Variants in SETD1A observed in about 807,000 individuals in gnomAD.
SETD1A encodes the protein SET domain containing 1A, histone lysine methyltransferase.
In SETD1A, 29 loss-of-function variants were observed where a neutral mutation model predicts 149.9. That is an observed-to-expected ratio of 0.19 (90% confidence interval 0.14 to 0.26). The LOEUF (loss-of-function observed/expected upper bound fraction) is 0.26, where lower values mean the gene tolerates loss of function less well. SETD1A is among the 10% of genes least tolerant of loss of function. The pLI is 1.00. For synonymous variants in SETD1A, 1,141 were observed against 968.5 expected, an observed-to-expected ratio of 1.18 and a Z score of -3.31; for missense variants, 2,109 against 2,353.1, an observed-to-expected ratio of 0.90 and a Z score of 2.15.
chr16:30,974,387 A>C (rs2056259629), intron 13 of SETD1A, among the ~76,000 whole-genome samples: 1 of 152,046 alleles, frequency 6.6e-6, no homozygotes, highest in Non-Finnish European at 1.5e-5. Context: ...AGACCCAGGT[A>C]GGCGAGTGGG....
chr16:30,980,419 G>C lies in SETD1A; in HGVS notation c.4409-66G>C, dbSNP rs554890120. 83 of 1,553,948 alleles carry C rather than the reference G, an allele frequency of 5.3e-5. No individual in the cohort carries two copies. In the East Asian group the frequency reaches 1.7e-3, roughly 31 times the overall value. On this transcript the variant is annotated intron_variant, in intron 14 of 18. Coordinates refer to ENST00000262519, the MANE Select transcript of SETD1A (RefSeq NM_014712.3). This position sits in a 1 kb window ranked among gnomAD's most constrained non-coding sequence, Gnocchi z 7.7. Reference sequence around the variant, plus strand: ...GGGTATGCTCAGCGGCGTGGGCCCCGCCCTCTCCTTTGGCTGGGACGCAGG... The same window carrying C: ...GGGTATGCTCAGCGGCGTGGGCCCCCCCCTCTCCTTTGGCTGGGACGCAGG...
chr16:30,962,860 A>C (rs989980341), intron 4 of SETD1A, among the ~76,000 whole-genome samples: 3 of 152,226 alleles, frequency 2.0e-5, no homozygotes, highest in African/African-American at 7.2e-5. Context: ...CATGAGAATC[A>C]CTTGAACCTG....
Position 30,958,704 on chromosome 16 carries a change from C to T in SETD1A, c.-15-13C>T, listed in dbSNP as rs1195710155. On this transcript the variant is annotated splice_polypyrimidine_tract_variant and intron_variant, in intron 1 of 18. Transcript: ENST00000262519. ...GTCCTGATCCTTCTTGCGTGTCCCT[C>T]TTCCCCTAACAGTGTAAATGAGCAA... The T allele has an allele frequency of 5.0e-6, 8 of 1,612,376 alleles. No homozygotes were observed. Among genetic ancestry groups the T allele is most frequent in the East Asian group, 4.5e-5 (2 of 44,862 alleles).
Position 30,966,385 on chromosome 16 carries a change from A to C in SETD1A, c.2504A>C (p.Lys835Thr). The C allele has an allele frequency of 6.2e-7, 1 of 1,602,854 alleles. No homozygotes were observed. Among genetic ancestry groups the C allele is most frequent in the Non-Finnish European group, 8.5e-7 (1 of 1,173,498 alleles). The change falls in exon 8 of 19, where the codon AAG becomes ACG. Residue 835 changes from lysine to threonine, a missense_variant and splice_region_variant. Transcript: ENST00000262519. ...QWWESKEEKA[K>T]PFQNAAKQQA... ...TGGGAGAGCAAGGAGGAGAAGGCCAAGGTGAGGCCAGCGCCTGGGACCGGG... is the reference window on the plus strand; with the variant it reads ...TGGGAGAGCAAGGAGGAGAAGGCCACGGTGAGGCCAGCGCCTGGGACCGGG...
chr16:30,980,931 C>T lies in SETD1A; in HGVS notation c.4692+82C>T, dbSNP rs1332880669. 1.3e-6 allele frequency: 2 copies of T among 1,561,866 alleles called. No individual in the cohort carries two copies. The highest frequency in any genetic ancestry group is 2.7e-5 in the African/African-American group (2 of 74,050). On this transcript the variant is annotated intron_variant, in intron 16 of 18. Coordinates refer to ENST00000262519, the MANE Select transcript of SETD1A (RefSeq NM_014712.3). This position sits in a 1 kb window ranked among gnomAD's most constrained non-coding sequence, Gnocchi z 7.7. ...AGGCCAGGGGACCACCCAGCAGGCT[C>T]CTGTGGTTCCCTCGGGTGGAGTTGG... is the stretch of plus-strand genomic sequence containing the variant.
At chr16:30,975,630 C>T (rs1305115659) in intron 13 of SETD1A, among the ~76,000 whole-genome samples, 1 of 151,868 alleles carries the variant, frequency 6.6e-6, no homozygotes, top group Non-Finnish European at 1.5e-5. Flanking sequence ...AGGGTCTCAC[C>T]ATGTTGCCCA....
chr16:30,971,581 C>T lies in SETD1A; in HGVS notation c.3220C>T (p.Leu1074Phe). Reference sequence around the variant, plus strand: ...AGAGGAAGAGGAGCGGCCAGCAGCCCTTCCCTCAGCCTCCCCGCCCCCCAG... The same window carrying T: ...AGAGGAAGAGGAGCGGCCAGCAGCCTTTCCCTCAGCCTCCCCGCCCCCCAG... ...DEEEEERPAA[L>F]PSASPPPREV... The change falls in exon 13 of 19, where the codon CTT becomes TTT. Residue 1074 changes from leucine (L) to phenylalanine (F), a missense_variant. Around this residue, in one of 8 missense-constraint regions of SETD1A, gnomAD observed 832 missense variants for 815.6 expected, o/e 1.02. Coordinates refer to ENST00000262519, the MANE Select transcript of SETD1A (RefSeq NM_014712.3). The T allele has an allele frequency of 6.2e-7, 1 of 1,613,968 alleles. No homozygotes were observed. Among genetic ancestry groups the T allele is most frequent in the South Asian group, 1.1e-5 (1 of 91,054 alleles).
rs1487326238 is a variant in SETD1A at position 30,979,979 on chromosome 16, C to T, written c.4193C>T (p.Ala1398Val). 2 of 1,512,636 alleles carry T rather than the reference C, an allele frequency of 1.3e-6. No individual in the cohort carries two copies. Among genetic ancestry groups the T allele is most frequent in the East Asian group, 2.6e-5 (1 of 38,716 alleles). The allele number at this position is 1,512,636 out of a possible 1,614,324, so 93.7% of individuals were successfully genotyped here. The stretch of plus-strand genomic sequence containing the variant: ...CGGAGGCGCAGCCTCCGCTCCCACG[C>T]CCGGCGCCGCCGCCCTCCGCCCCCA... ...ALRRRSLRSHARRRRPPPPPP... is the reference protein window; with the variant it reads ...ALRRRSLRSHVRRRRPPPPPP... Residue 1398 changes from alanine (A) to valine (V), a missense_variant, in exon 14 of 19, where the codon GCC becomes GTC. Coordinates refer to ENST00000262519, the MANE Select transcript of SETD1A (RefSeq NM_014712.3).
Position 30,969,663 on chromosome 16 carries a change from CAAA to C in SETD1A, c.2991_2993del (p.Lys999del), listed in dbSNP as rs1555490169. 8.1e-6 allele frequency: 13 copies of C among 1,614,070 alleles called. No homozygotes were observed. Among genetic ancestry groups the C allele is most frequent in the Non-Finnish European group, 1.1e-5 (13 of 1,179,916 alleles). Reference sequence around the variant, plus strand: ...GATCGAGAGGAAGCTGTGGATACCACAAAGAAGGAGACAGAGGTGTCGGATGGT... The same window carrying C: ...GATCGAGAGGAAGCTGTGGATACCACGAAGGAGACAGAGGTGTCGGATGGT... On this transcript the variant is annotated inframe_deletion, in exon 12 of 19. Coordinates refer to ENST00000262519, the MANE Select transcript of SETD1A (RefSeq NM_014712.3).
chr16:30,963,700 A>G (rs2056087760), intron 5 of SETD1A, 146 bp downstream of exon 5: 5 of 902,938 alleles, frequency 5.5e-6, no homozygotes, highest in Admixed American at 3.2e-5. Flanking sequence ...TTCAAAAGAC[A>G]GGGAACTAGG....
Position 30,979,886 on chromosome 16 carries a change from A to T in SETD1A, c.4100A>T (p.Glu1367Val). ...QREEGEEEGE[E>V]EGEEEEEESS... ...GAGGAGGGCGAAGAGGAGGGGGAGG[A>T]AGAGGGGGAGGAAGAGGAGGAGGAG... The change falls in exon 14 of 19, where the codon GAA becomes GTA. Residue 1367 changes from glutamate to valine, a missense_variant. By Grantham distance (121) the Glu-to-Val change is moderately radical (BLOSUM62 -2). This residue lies in a region of SETD1A where 832 missense variants were observed against 815.6 expected (regional missense o/e 1.02). Transcript: ENST00000262519. 4 of 1,534,096 alleles carry T rather than the reference A, an allele frequency of 2.6e-6. No individual in the cohort carries two copies. The highest frequency in any genetic ancestry group is 3.5e-6 in the Non-Finnish European group (4 of 1,146,100).
At position 30,964,081 on chromosome 16, in the gene SETD1A, T is replaced by G; in HGVS notation, c.640-13T>G. On this transcript the variant is annotated splice_polypyrimidine_tract_variant and intron_variant, in intron 5 of 18. Coordinates refer to ENST00000262519, the MANE Select transcript of SETD1A (RefSeq NM_014712.3). Reference sequence around the variant, plus strand: ...GCCCATTCCTCTCTCCTTGCCCTGCTCTGTCGCTCTAGGCCGAATCCCGCC... The same window carrying G: ...GCCCATTCCTCTCTCCTTGCCCTGCGCTGTCGCTCTAGGCCGAATCCCGCC... 4 of 1,607,644 alleles carry G rather than the reference T, an allele frequency of 2.5e-6. No homozygotes were observed. The highest frequency in any genetic ancestry group is 3.4e-6 in the Non-Finnish European group (4 of 1,177,866).
rs1430331501 is a variant in SETD1A, at chr16:30,961,435, C to T, written c.415C>T (p.Arg139Cys). ...TACGCGCAAGCACCTGGGCCTGGCCCGTGTGCTCTTCACCAGCACTCGGGG... is the reference window on the plus strand; with the variant it reads ...TACGCGCAAGCACCTGGGCCTGGCCTGTGTGCTCTTCACCAGCACTCGGGG... ...PRTRKHLGLA[R>C]VLFTSTRGAK... is the part of the protein sequence containing the mutation. The change falls in exon 4 of 19, where the codon CGT becomes TGT. Residue 139 changes from arginine to cysteine, a missense_variant. Arg to Cys is a radical substitution (Grantham distance 180, BLOSUM62 -3). Coordinates refer to ENST00000262519, the MANE Select transcript of SETD1A (RefSeq NM_014712.3). The surrounding 1 kb of genome is among the most constrained non-coding windows in gnomAD (Gnocchi z 4.0). 1.2e-6 allele frequency: 2 copies of T among 1,614,042 alleles called. No individual in the cohort carries two copies. The highest frequency in any genetic ancestry group is 1.7e-5 in the Admixed American group (1 of 59,998).
In SETD1A at chr16:30,965,592, C is replaced by T; in HGVS notation, c.1720-9C>T. 1.2e-6 allele frequency: 2 copies of T among 1,611,198 alleles called. No individual in the cohort carries two copies. The highest frequency in any genetic ancestry group is 1.1e-5 in the South Asian group (1 of 90,812). ...AGAAGCCTTCTGTGACCCTCTTCTG[C>T]CCCCGCAGGCTTCTCCATGCTCTTC... is the stretch of plus-strand genomic sequence containing the variant. On this transcript the variant is annotated splice_polypyrimidine_tract_variant and intron_variant, in intron 7 of 18. Transcript: ENST00000262519.
chr16:30,963,578 G>A lies in SETD1A; in HGVS notation c.639+24G>A, dbSNP rs748309713. The A allele has an allele frequency of 2.5e-6, 4 of 1,606,118 alleles. No individual in the cohort carries two copies. The East Asian group carries it at 9.0e-5, about 36-fold the overall frequency. On this transcript the variant is annotated intron_variant, in intron 5 of 18. Transcript: ENST00000262519. ...CGGTGAGAAGTTTGTGGCTACCACA[G>A]CCCCTAGCCATGTGGGCATGGTGTC... is the stretch of plus-strand genomic sequence containing the variant.
At chr16:30,971,849 C>G (rs369512151) in intron 13 of SETD1A, 130 bp downstream of exon 13, 1 of 1,204,324 alleles carries the variant, frequency 8.3e-7, no homozygotes, top group Non-Finnish European at 1.1e-6. Context: ...ATGTCACCAT[C>G]TCCTGTCACT....
chr16:30,965,634 A>G lies in SETD1A; in HGVS notation c.1753A>G (p.Ile585Val). 6.2e-7 allele frequency: 1 copy of G among 1,606,634 alleles called. No homozygotes were observed. Among genetic ancestry groups the G allele is most frequent in the Non-Finnish European group, 8.5e-7 (1 of 1,177,972 alleles). Residue 585 changes from isoleucine to valine, a missense_variant, in exon 8 of 19, where the codon ATC becomes GTC. Physicochemically the swap from Ile to Val is conservative, Grantham distance 29 (BLOSUM62 3). Transcript: ENST00000262519. ...SPCSSGDDME[I>V]SDDDRGGSPP... ...ATGCTCTTCTGGAGACGACATGGAGATCTCCGACGACGACCGGGGTGGCTC... is the reference window on the plus strand; with the variant it reads ...ATGCTCTTCTGGAGACGACATGGAGGTCTCCGACGACGACCGGGGTGGCTC...
Position 30,966,237 on chromosome 16 carries a change from C to G in SETD1A, c.2356C>G (p.Pro786Ala), listed in dbSNP as rs2056145558. The G allele has an allele frequency of 6.2e-7, 1 of 1,613,768 alleles. No homozygotes were observed. Among genetic ancestry groups the G allele is most frequent in the Non-Finnish European group, 8.5e-7 (1 of 1,179,972 alleles). Reference sequence around the variant, plus strand: ...AGAGCTGGCAGAGGGCAAGACCCTCCCGACAGCAGGCACCGTGGGCCGTGT... The same window carrying G: ...AGAGCTGGCAGAGGGCAAGACCCTCGCGACAGCAGGCACCGTGGGCCGTGT... ...EAELAEGKTL[P>A]TAGTVGRVLA... The change falls in exon 8 of 19, where the codon CCG becomes GCG. Residue 786 changes from proline to alanine, a missense_variant. By Grantham distance (27) the Pro-to-Ala change is conservative. Around this residue, in one of 8 missense-constraint regions of SETD1A, gnomAD observed 431 missense variants for 388.6 expected, o/e 1.11. Coordinates refer to ENST00000262519, the MANE Select transcript of SETD1A (RefSeq NM_014712.3).
In SETD1A at chr16:30,980,427, C is replaced by A; in HGVS notation, c.4409-58C>A. ...TCAGCGGCGTGGGCCCCGCCCTCTC[C>A]TTTGGCTGGGACGCAGGTGGCCAGA... On this transcript the variant is annotated intron_variant, in intron 14 of 18. Transcript: ENST00000262519. This position sits in a 1 kb window ranked among gnomAD's most constrained non-coding sequence, Gnocchi z 7.7. 1 of 1,567,220 alleles carries A rather than the reference C, an allele frequency of 6.4e-7. No homozygotes were observed. Among genetic ancestry groups the A allele is most frequent in the Non-Finnish European group, 8.7e-7 (1 of 1,153,862 alleles).
Sources: allele counts gnomAD v4.1 joint callset (sites outside exome capture counted in the v4.1 genomes callset), GRCh38; gene constraint gnomAD v4.1.1; regional missense constraint gnomAD v4.1.1; non-coding constraint Gnocchi (gnomAD v3.1); transcripts MANE v1.5; gene names NCBI Gene and HGNC (gene_info 2026-07-23, HGNC 2026-07-21).